Variants in EPHA4 observed in about 807,000 individuals in gnomAD.
EPHA4 encodes the protein ephrin type-A receptor 4.
In EPHA4, 19 loss-of-function variants were observed where a neutral mutation model predicts 108.3. That is an observed-to-expected ratio of 0.18 (90% CI 0.12 to 0.26). EPHA4 has a LOEUF of 0.26. EPHA4 is among the 10% of genes least tolerant of loss of function. The pLI, the probability that EPHA4 is intolerant of heterozygous loss-of-function variation, is 1.00. For missense variants in EPHA4, 917 were observed against 1,254.0 expected, an observed-to-expected ratio of 0.73 and a Z score of 4.06; for synonymous variants, 449 against 455.5, an observed-to-expected ratio of 0.99 and a Z score of 0.18.
At position 221,425,747 on chromosome 2, in the gene EPHA4, C is replaced by G. The variant is rs1200171616; in HGVS notation, c.*281G>C. On this transcript the variant is annotated 3_prime_UTR_variant, in exon 17 of 18. Transcript: ENST00000281821. ...AGCATCAAAACTCAGAGGCAGTGTT[C>G]TATTTCTATAGGTACATGTATTTTA... The G allele has an allele frequency of 3.1e-6, 1 of 321,270 alleles. No individual in the cohort carries two copies. Among genetic ancestry groups the G allele is most frequent in the Non-Finnish European group, 5.7e-6 (1 of 174,884 alleles). 19.9% of individuals were successfully genotyped at this position (321,270 alleles called of 1,614,324 possible).
chr2:221,509,903 C>T (rs1692774897), intron 3 of EPHA4, among the ~76,000 whole-genome samples: 2 of 152,136 alleles, frequency 1.3e-5, no homozygotes, highest in Admixed American at 6.5e-5. Context: ...TAGCTCTGCC[C>T]CTTATTAGAT....
intron 15 of EPHA4, among the ~76,000 whole-genome samples, chr2:221,428,423 AAGAATT>A (rs1689974342): frequency 6.6e-6 from 1 of 152,194 alleles, no homozygotes; most frequent in Non-Finnish European, 1.5e-5. Context: ...CATCAGCAAA[AAGAATT>A]TAGAACTGAT....
At chr2:221,551,922 G>A (rs536941026) in intron 3 of EPHA4, among the ~76,000 whole-genome samples, 1 of 151,932 alleles carries the variant, frequency 6.6e-6, no homozygotes, top group South Asian at 2.1e-4. Context: ...CAAGCAGAGA[G>A]GCAATTCTAA....
At chr2:221,486,637 G>A (rs1477483522) in intron 4 of EPHA4, among the ~76,000 whole-genome samples, 3 of 151,790 alleles carry the variant, frequency 2.0e-5, no homozygotes, top group Non-Finnish European at 4.4e-5. Flanking sequence ...GGGAGGCTGA[G>A]GCAGGAGAAT....
chr2:221,428,893 A>G (rs1028083956), intron 15 of EPHA4, among the ~76,000 whole-genome samples: 16 of 152,150 alleles, frequency 1.1e-4, no homozygotes, highest in African/African-American at 3.4e-4. Flanking sequence ...TCTATTCCAC[A>G]GTTCTCTTTT....
intron 14 of EPHA4, among the ~76,000 whole-genome samples, chr2:221,430,927 T>G (rs1400680765): frequency 6.6e-6 from 1 of 152,186 alleles, no homozygotes; most frequent in Non-Finnish European, 1.5e-5. Context: ...CCATCCAGAG[T>G]GCCCAGAGTG....
chr2:221,430,113 A>C lies in EPHA4; in HGVS notation c.2535T>G (p.Pro845=). ...GGAGCGCAATGGGGCAGTCCATTGG[A>C]GGGGGTAACCGATAGCCTTCCTCAA... ...KAIEEGYRLP[P]PMDCPIALHQ... is the part of the protein sequence containing the mutation. The change falls in exon 15 of 18, where the codon CCT becomes CCG. Residue 845 remains proline, a synonymous_variant. Transcript: ENST00000281821. 1 of 1,611,826 alleles carries C rather than the reference A, an allele frequency of 6.2e-7. No homozygotes were observed. The highest frequency in any genetic ancestry group is 8.5e-7 in the Non-Finnish European group (1 of 1,179,388).
Position 221,501,289 on chromosome 2 carries a change from G to A in EPHA4, c.824-117C>T, listed in dbSNP as rs1692482620. 6 of 895,924 alleles carry A rather than the reference G, an allele frequency of 6.7e-6. No homozygotes were observed. The South Asian group carries it at 1.2e-4, about 18-fold the overall frequency. The allele number at this position is 895,924 out of a possible 1,614,324, so 55.5% of individuals were successfully genotyped here. ...GGAGACGTTCTTGCTAATCATTAGC[G>A]ATCATGTGGCTTGAAATGCAGGTCA... On this transcript the variant is annotated intron_variant, in intron 3 of 17. Coordinates refer to ENST00000281821, the MANE Select transcript of EPHA4 (RefSeq NM_004438.5).
chr2:221,431,645 G>A (rs954604992), intron 14 of EPHA4, among the ~76,000 whole-genome samples: 1 of 152,098 alleles, frequency 6.6e-6, no homozygotes, highest in Non-Finnish European at 1.5e-5. Flanking sequence ...CAGGTGCATC[G>A]TGTTGACTCT....
At chr2:221,499,742 ATATATATATATATATTTT>A (rs1202275247) in intron 4 of EPHA4, among the ~76,000 whole-genome samples, 46 of 56,438 alleles carry the variant, frequency 8.2e-4, no homozygotes, top group African/African-American at 4.3e-3. Flanking sequence ...ATATATATAT[ATATATATATATATATTTT>A]TTTTTTTTTT....
chr2:221,483,148 A>C (rs1476665618), intron 4 of EPHA4, among the ~76,000 whole-genome samples: 1 of 152,238 alleles, frequency 6.6e-6, no homozygotes, highest in Non-Finnish European at 1.5e-5. Flanking sequence ...AATAGCAAAT[A>C]AAATTAACAG....
chr2:221,564,803 GGCAGGAAGA>G (rs1694576208), intron 2 of EPHA4, among the ~76,000 whole-genome samples: 1 of 150,146 alleles, frequency 6.7e-6, no homozygotes, highest in Non-Finnish European at 1.5e-5. Context: ...GCAAATTAAG[GGCAGGAAGA>G]GCAGAGCTTG....
chr2:221,532,191 T>C (rs1813499), intron 3 of EPHA4, among the ~76,000 whole-genome samples: 88,655 of 151,282 alleles, frequency 0.59, 27,193 homozygotes, highest in African/African-American at 0.77. Context: ...GGCATGATCT[T>C]GGCTCACTGC....
intron 5 of EPHA4, among the ~76,000 whole-genome samples, chr2:221,473,883 G>A (rs936547406): frequency 3.9e-5 from 6 of 152,148 alleles, no homozygotes; most frequent in Admixed American, 3.9e-4. Context: ...ACTGAGAGAT[G>A]AGAAACAAAC....
intron 3 of EPHA4, among the ~76,000 whole-genome samples, chr2:221,527,168 A>G (rs1693358827): frequency 6.6e-6 from 1 of 152,152 alleles, no homozygotes; most frequent in Non-Finnish European, 1.5e-5. Context: ...CCTTACAACA[A>G]CATAGGAATA....
At chr2:221,507,646 A>C (rs1326370261) in intron 3 of EPHA4, among the ~76,000 whole-genome samples, 1 of 152,124 alleles carries the variant, frequency 6.6e-6, no homozygotes, top group African/African-American at 2.4e-5. Context: ...TGATGTAGAG[A>C]AATAATGCCT....
intron 4 of EPHA4, among the ~76,000 whole-genome samples, chr2:221,494,091 A>G (rs1008156546): frequency 1.3e-5 from 2 of 152,214 alleles, no homozygotes; most frequent in African/African-American, 4.8e-5. Context: ...ACCAGGCTCT[A>G]AGAAGTTTCA....
At position 221,482,472 on chromosome 2, in the gene EPHA4, T is replaced by C. The variant is rs1464493300; in HGVS notation, c.1198A>G (p.Ile400Val). Residue 400 changes from isoleucine to valine, a missense_variant, in exon 5 of 18, where the codon ATC becomes GTC. Transcript: ENST00000281821. ...TTGGTATGAGCTAGGAGGTCAGTGA[T>C]GGAGACTTTGGTGGTCTTCAAGCCA... ...QNGLKTTKVS[I>V]TDLLAHTNYT... 1.8e-5 allele frequency: 29 copies of C among 1,614,022 alleles called. No individual in the cohort carries two copies. Among genetic ancestry groups the C allele is most frequent in the Non-Finnish European group, 1.9e-5 (22 of 1,180,002 alleles).
rs1330255969 is a variant in EPHA4, at chr2:221,538,573, GATT to G, written c.823+25155_823+25157del. Among the ~76,000 whole-genome samples the G allele has an allele frequency of 4.6e-5, 7 of 152,088 alleles. No individual in the cohort carries two copies. In the East Asian group the frequency reaches 9.6e-4, roughly 21 times the overall value. On this transcript the variant is annotated intron_variant, in intron 3 of 17. Coordinates refer to ENST00000281821, the MANE Select transcript of EPHA4 (RefSeq NM_004438.5). ...AATTTGCCAGAATCTGCATAATTTA[GATT>G]ATTAACTTATTTTCTTGGCATTTGA...
Sources: allele counts gnomAD v4.1 joint callset (sites outside exome capture counted in the v4.1 genomes callset), GRCh38; gene constraint gnomAD v4.1.1; transcripts MANE v1.5; gene names NCBI Gene and HGNC (gene_info 2026-07-23, HGNC 2026-07-21).